Variants in PDE1A observed in about 807,000 individuals in gnomAD.
The protein encoded by PDE1A is dual specificity calcium/calmodulin-dependent 3',5'-cyclic nucleotide phosphodiesterase 1A.
In PDE1A, 35 loss-of-function variants were observed where a neutral mutation model predicts 61.7. That is an observed-to-expected ratio of 0.57 (90% confidence interval 0.43 to 0.75). The LOEUF is 0.75. Among genes scored for constraint, PDE1A ranks in the 30% least tolerant of loss-of-function variants. PDE1A has a pLI of 0.00. For missense variants in PDE1A, 597 were observed against 630.6 expected, an observed-to-expected ratio of 0.95 and a Z score of 0.57; for synonymous variants, 232 against 213.2, an observed-to-expected ratio of 1.09 and a Z score of -0.77.
At chr2:182,700,363 GGAGT>G in the PDE1A span, among the ~76,000 whole-genome samples, 103,138 of 151,214 alleles carry the variant, frequency 0.68, 35,771 homozygotes, top group African/African-American at 0.79. Flanking sequence ...CCTGAGGTCA[GGAGT>G]GAGTTCGAGA....
chr2:182,603,116 G>C, the PDE1A span, among the ~76,000 whole-genome samples: 1 of 152,146 alleles, frequency 6.6e-6, no homozygotes, highest in Non-Finnish European at 1.5e-5. Context: ...AACTTGGCCA[G>C]AATTAAAGAT....
At chr2:182,187,977 C>G (rs560284283) in intron 11 of PDE1A, among the ~76,000 whole-genome samples, 17 of 150,528 alleles carry the variant, frequency 1.1e-4, no homozygotes, top group Non-Finnish European at 1.8e-4. Flanking sequence ...ATCTCCTGAC[C>G]CGAGATCTAC....
chr2:182,591,276 G>A, the PDE1A span, among the ~76,000 whole-genome samples: 3 of 152,278 alleles, frequency 2.0e-5, no homozygotes, highest in South Asian at 6.2e-4. Context: ...GTAAGTCTCA[G>A]ATCAAATTCT....
chr2:182,475,859 T>C lies in PDE1A; in HGVS notation c.101+46417A>G, dbSNP rs145135649. On this transcript the variant is annotated intron_variant, in intron 2 of 14. Coordinates refer to the PDE1A transcript ENST00000410103. ...GCTTGTTTACCAAAATGTTATACAA[T>C]GAATTTCTGTTCACTGGTTTCTGAG... Among the ~76,000 whole-genome samples the C allele has an allele frequency of 4.8e-3, 729 of 152,104 alleles. 6 individuals are homozygous for C. The highest frequency in any genetic ancestry group is 0.027 in the Middle Eastern group (8 of 294).
At chr2:182,447,704 T>C (rs535744469) in intron 2 of PDE1A, among the ~76,000 whole-genome samples, 58 of 152,248 alleles carry the variant, frequency 3.8e-4, no homozygotes, top group Middle Eastern at 6.8e-3. Context: ...TACTTTCCTA[T>C]GGCATGGCTC....
At chr2:182,574,324 C>T in the PDE1A span, among the ~76,000 whole-genome samples, 68 of 152,242 alleles carry the variant, frequency 4.5e-4, no homozygotes, top group African/African-American at 1.6e-3. Context: ...CACTCAGGGT[C>T]GATGCTTTAC....
intron 1 of PDE1A, among the ~76,000 whole-genome samples, chr2:182,286,622 T>C (rs833157): frequency 0.013 from 1,974 of 152,224 alleles, 25 homozygotes; most frequent in African/African-American, 0.022. Context: ...GCTTCTTCCA[T>C]AGTCGCTGTA....
At chr2:182,374,675 T>C (rs1700295226) in intron 1 of PDE1A, among the ~76,000 whole-genome samples, 1 of 152,084 alleles carries the variant, frequency 6.6e-6, no homozygotes, top group Non-Finnish European at 1.5e-5. Flanking sequence ...AATAAACACT[T>C]CACAAAATAA....
chr2:182,709,418 T>C, the PDE1A span, among the ~76,000 whole-genome samples: 1 of 152,340 alleles, frequency 6.6e-6, no homozygotes, highest in East Asian at 1.9e-4. Context: ...AATGCATGTA[T>C]TGAATACATG....
the PDE1A span, among the ~76,000 whole-genome samples, chr2:182,533,931 G>A: frequency 6.6e-6 from 1 of 151,980 alleles, no homozygotes; most frequent in Non-Finnish European, 1.5e-5. Flanking sequence ...CCATCTGCAT[G>A]TGTATTTCAT....
At chr2:182,324,087 C>T (rs1696890908) in intron 1 of PDE1A, among the ~76,000 whole-genome samples, 1 of 152,052 alleles carries the variant, frequency 6.6e-6, no homozygotes, top group Admixed American at 6.5e-5. Flanking sequence ...CTGTTTATTT[C>T]CTAGCAAGAT....
intron 2 of PDE1A, among the ~76,000 whole-genome samples, chr2:182,511,631 A>G (rs1180271122): frequency 1.3e-5 from 2 of 152,176 alleles, no homozygotes; most frequent in African/African-American, 4.8e-5. Context: ...AAGGCCTGCC[A>G]TGCTATGCTA....
chr2:182,424,112 T>G (rs2125596812), intron 1 of PDE1A, among the ~76,000 whole-genome samples: 1 of 152,046 alleles, frequency 6.6e-6, no homozygotes, highest in South Asian at 2.1e-4. Flanking sequence ...ACCTGGCTAA[T>G]TTTTTGTATT....
the PDE1A span, among the ~76,000 whole-genome samples, chr2:182,590,933 C>T: frequency 6.6e-6 from 1 of 152,202 alleles, no homozygotes; most frequent in African/African-American, 2.4e-5. Flanking sequence ...CCACAGTAAG[C>T]AAGCCCTGTG....
At chr2:182,562,203 G>C in the PDE1A span, among the ~76,000 whole-genome samples, 1 of 152,058 alleles carries the variant, frequency 6.6e-6, no homozygotes, top group Admixed American at 6.6e-5. Flanking sequence ...TTGTCAGATA[G>C]CTCTTATTAT....
At chr2:182,168,174 G>C (rs897444895) in exon 14 of PDE1A, 62 of 1,545,482 alleles carry the variant, frequency 4.0e-5, no homozygotes, top group Non-Finnish European at 5.3e-5. Flanking sequence ...TTTCCAGCAA[G>C]CATAATCAAA....
chr2:182,382,716 C>A (rs866895173), intron 1 of PDE1A, among the ~76,000 whole-genome samples: 1 of 149,214 alleles, frequency 6.7e-6, no homozygotes, highest in African/African-American at 2.5e-5. Flanking sequence ...AAAAAAAAAA[C>A]TAAATTTTGA....
the PDE1A span, among the ~76,000 whole-genome samples, chr2:182,610,500 T>A: frequency 6.6e-6 from 1 of 152,102 alleles, no homozygotes; most frequent in African/African-American, 2.4e-5. Context: ...AGCTGAAACC[T>A]TTCTCAAAAA....
intron 1 of PDE1A, among the ~76,000 whole-genome samples, chr2:182,414,635 G>A (rs1218676737): frequency 6.6e-6 from 1 of 152,138 alleles, no homozygotes. Context: ...AGGGCAGTGG[G>A]AAGGGGCAGC....
Sources: allele counts gnomAD v4.1 joint callset (sites outside exome capture counted in the v4.1 genomes callset), GRCh38; gene constraint gnomAD v4.1.1; transcripts MANE v1.5; gene names NCBI Gene and HGNC (gene_info 2026-07-23, HGNC 2026-07-21).